PARD3B: variants seen among roughly 807,000 people sequenced by gnomAD.
The protein encoded by PARD3B is partitioning defective 3 homolog B.
A neutral mutation model predicts 130.2 loss-of-function variants in PARD3B; 103 were observed. The observed-to-expected ratio is 0.79, with a 90% CI of 0.67 to 0.93. The LOEUF is 0.93. PARD3B is among the 40% of genes least tolerant of loss of function. PARD3B has a pLI of 0.00. For synonymous variants in PARD3B, 583 were observed against 553.2 expected (o/e 1.05, Z -0.76); for missense variants, 1,609 against 1,499.2 (o/e 1.07, Z -1.21).
chr2:205,467,488 C>T (rs1313965397), intron 20 of PARD3B, among the ~76,000 whole-genome samples: 2 of 152,110 alleles, frequency 1.3e-5, no homozygotes, highest in Non-Finnish European at 1.5e-5. Flanking sequence ...TCAATAACCT[C>T]GTCTTTAAAA....
intron 20 of PARD3B, among the ~76,000 whole-genome samples, chr2:205,449,522 C>T (rs927625170): frequency 7.9e-5 from 12 of 152,160 alleles, no homozygotes; most frequent in South Asian, 2.1e-4. Context: ...TAAGCCACCG[C>T]GCCTGGCCCC....
In PARD3B at chr2:204,713,023, T is replaced by TTA. The variant is rs368251607; in HGVS notation, c.222+26743_222+26744dup. 2.5e-3 allele frequency among the ~76,000 whole-genome samples: 384 copies of TTA among 152,326 alleles called. 3 individuals carry two copies. Among genetic ancestry groups the TTA allele is most frequent in the African/African-American group, 8.8e-3 (367 of 41,590 alleles). On this transcript the variant is annotated intron_variant, in intron 2 of 22. Coordinates refer to ENST00000406610, the MANE Select transcript of PARD3B (RefSeq NM_001302769.2). ...CCACATTCATGCACGTAAGTTTGGC[T>TTA]TATTAATTTCACTGCTGTAGAGTGT...
chr2:204,568,418 C>A (rs919905164), intron 1 of PARD3B, among the ~76,000 whole-genome samples: 2 of 152,098 alleles, frequency 1.3e-5, no homozygotes, highest in African/African-American at 4.8e-5. Flanking sequence ...GACTGGGAAA[C>A]CATTTAGAAC....
At chr2:205,489,365 G>T (rs1216263658) in intron 20 of PARD3B, among the ~76,000 whole-genome samples, 4 of 151,810 alleles carry the variant, frequency 2.6e-5, no homozygotes, top group African/African-American at 9.7e-5. Context: ...TAATCCCAGT[G>T]CTTTAGGAGG....
intron 19 of PARD3B, among the ~76,000 whole-genome samples, chr2:205,420,305 G>A (rs574628909): frequency 2.4e-4 from 37 of 152,220 alleles, no homozygotes; most frequent in African/African-American, 7.9e-4. Flanking sequence ...TGCTATGTAC[G>A]TGCCAGCCAC....
At chr2:205,196,408 G>C (rs1416315370) in intron 15 of PARD3B, among the ~76,000 whole-genome samples, 1 of 151,108 alleles carries the variant, frequency 6.6e-6, no homozygotes, top group Non-Finnish European at 1.5e-5. Context: ...GTTACCATTT[G>C]TTAATTTTGT....
chr2:205,278,963 C>G (rs1012931046), intron 16 of PARD3B, among the ~76,000 whole-genome samples: 3 of 144,742 alleles, frequency 2.1e-5, no homozygotes, highest in Non-Finnish European at 3.0e-5. Context: ...CCCAGCTACT[C>G]GGGAGGCTGA....
intron 12 of PARD3B, among the ~76,000 whole-genome samples, chr2:205,173,992 G>A (rs2035321107): frequency 6.6e-6 from 1 of 152,134 alleles, no homozygotes; most frequent in South Asian, 2.1e-4. Flanking sequence ...TCAACTAATA[G>A]AAGAGTCTAG....
In PARD3B at chr2:204,643,115, C is replaced by CAAAAAAAAAAAAAAAAAAAAA. The variant is rs71029202; in HGVS notation, c.121-43065_121-43045dup. 9.3e-3 allele frequency among the ~76,000 whole-genome samples: 294 copies of CAAAAAAAAAAAAAAAAAAAAA among 31,770 alleles called. 63 individuals are homozygous for CAAAAAAAAAAAAAAAAAAAAA. Among genetic ancestry groups the CAAAAAAAAAAAAAAAAAAAAA allele is most frequent in the Non-Finnish European group, 0.014 (232 of 17,048 alleles). The allele number at this position is 31,770 out of a possible 152,430, so 20.8% of individuals were successfully genotyped here. On this transcript the variant is annotated intron_variant, in intron 1 of 22. Coordinates refer to ENST00000406610, the MANE Select transcript of PARD3B (RefSeq NM_001302769.2). ...GGCGACAGAGGGAGACTCTGTCTCA[C>CAAAAAAAAAAAAAAAAAAAAA]AAAAAAAAAAAAAAAAAAAAATGTT...
At chr2:205,245,625 G>A (rs1435113963) in intron 15 of PARD3B, among the ~76,000 whole-genome samples, 153 bp from the exon 16 acceptor site, 1 of 152,096 alleles carries the variant, frequency 6.6e-6, no homozygotes, top group Non-Finnish European at 1.5e-5. Flanking sequence ...ATAAAAGTGA[G>A]GTATCCCAGG....
intron 6 of PARD3B, among the ~76,000 whole-genome samples, chr2:205,117,441 C>G (rs2029955425): frequency 6.6e-6 from 1 of 152,162 alleles, no homozygotes; most frequent in Admixed American, 6.5e-5. Flanking sequence ...AATATCACTG[C>G]CATGCCTGTT....
chr2:205,385,715 A>G (rs1038469249), intron 18 of PARD3B, among the ~76,000 whole-genome samples: 5 of 152,034 alleles, frequency 3.3e-5, no homozygotes, highest in African/African-American at 9.7e-5. Flanking sequence ...CTGACTCAAC[A>G]TTAGTTGAGG....
intron 2 of PARD3B, among the ~76,000 whole-genome samples, chr2:204,843,795 T>G (rs529263924): frequency 6.6e-6 from 1 of 152,272 alleles, no homozygotes; most frequent in Admixed American, 6.5e-5. Flanking sequence ...AAAACATACT[T>G]TTGTACTTGT....
At chr2:205,084,727 G>A (rs1235960135) in intron 4 of PARD3B, among the ~76,000 whole-genome samples, 1 of 151,760 alleles carries the variant, frequency 6.6e-6, no homozygotes, top group Admixed American at 6.6e-5. Flanking sequence ...GTTTCTTTTT[G>A]TTATTGATCT....
chr2:205,355,671 T>G (rs2044165183), intron 18 of PARD3B, among the ~76,000 whole-genome samples: 1 of 152,178 alleles, frequency 6.6e-6, no homozygotes, highest in Non-Finnish European at 1.5e-5. Flanking sequence ...ATTTGCATAT[T>G]ATATTAGTCA....
intron 4 of PARD3B, among the ~76,000 whole-genome samples, chr2:205,102,192 A>C (rs2125567506): frequency 6.6e-6 from 1 of 152,254 alleles, no homozygotes; most frequent in Non-Finnish European, 1.5e-5. Context: ...TGTGAGAGAG[A>C]ATAAATGTTT....
At chr2:205,203,595 C>A (rs572757113) in intron 15 of PARD3B, among the ~76,000 whole-genome samples, 1 of 152,210 alleles carries the variant, frequency 6.6e-6, no homozygotes. Flanking sequence ...AAGACTATCC[C>A]TCCCCTATGC....
At chr2:205,350,710 T>C (rs1392922572) in intron 18 of PARD3B, among the ~76,000 whole-genome samples, 1 of 152,302 alleles carries the variant, frequency 6.6e-6, no homozygotes, top group East Asian at 1.9e-4. Flanking sequence ...TACTTTTCTA[T>C]AATCCTAATG....
chr2:205,332,287 C>T (rs1324046775), intron 18 of PARD3B, among the ~76,000 whole-genome samples: 1 of 152,136 alleles, frequency 6.6e-6, no homozygotes, highest in East Asian at 1.9e-4. Flanking sequence ...TCATTTATAA[C>T]AATCCATACT....
Sources: allele counts gnomAD v4.1 joint callset (sites outside exome capture counted in the v4.1 genomes callset), GRCh38; gene constraint gnomAD v4.1.1; transcripts MANE v1.5; gene names NCBI Gene and HGNC (gene_info 2026-07-23, HGNC 2026-07-21).